SHB: variants seen among roughly 807,000 people sequenced by gnomAD.
SHB encodes the protein SH2 domain-containing adapter protein B.
In SHB, 20 loss-of-function variants were observed where a neutral mutation model predicts 52.3. The ratio of observed to expected loss-of-function variants is 0.38; its 90% CI spans 0.27 to 0.56. The LOEUF (loss-of-function observed/expected upper bound fraction) is 0.56. Ranked by LOEUF, SHB falls within the 20% of genes least tolerant of loss-of-function variation. The pLI is 0.71. For missense variants in SHB, 825 were observed against 723.3 expected, an observed-to-expected ratio of 1.14 and a Z score of -1.61; for synonymous variants, 397 against 316.5, an observed-to-expected ratio of 1.25 and a Z score of -2.70.
chr9:37,991,348 G>A (rs891215726), intron 2 of SHB, among the ~76,000 whole-genome samples: 2 of 152,294 alleles, frequency 1.3e-5, no homozygotes, highest in African/African-American at 2.4e-5. Context: ...CAGGGACACT[G>A]CGTCATGGAA....
intron 5 of SHB, among the ~76,000 whole-genome samples, chr9:37,921,951 G>C (rs954671088): frequency 6.6e-6 from 1 of 152,254 alleles, no homozygotes; most frequent in African/African-American, 2.4e-5. Flanking sequence ...CCTGGAGAAG[G>C]GGTGTGGAAG....
At chr9:37,955,797 G>A in intron 4 of SHB, 86 bp downstream of exon 4, 2 of 1,362,908 alleles carry the variant, frequency 1.5e-6, no homozygotes, top group South Asian at 2.6e-5. Context: ...CCAGTCTGTG[G>A]ATTTTTAAAA....
In SHB at chr9:37,928,507, TA is replaced by T. The variant is rs113975223; in HGVS notation, c.1347-8504del. On this transcript the variant is annotated intron_variant, in intron 5 of 5. Transcript: ENST00000377707. ...TTGGTACATAGGTGCTACTGGCATC[TA>T]AGTAAGAGGAGGCCAGGGACGCTGC... Among the ~76,000 whole-genome samples, 1,300 of 152,298 alleles carry T rather than the reference TA, an allele frequency of 8.5e-3. 18 individuals are homozygous for T. Among genetic ancestry groups the T allele is most frequent in the African/African-American group, 0.03 (1,232 of 41,548 alleles).
intron 5 of SHB, among the ~76,000 whole-genome samples, chr9:37,942,994 A>G (rs540121212): frequency 6.6e-5 from 10 of 152,272 alleles, no homozygotes; most frequent in African/African-American, 2.4e-4. Flanking sequence ...GTTCTAGAAT[A>G]CAGCCCTGAC....
chr9:37,956,106 T>G, intron 3 of SHB, 52 bp from the exon 4 acceptor site: 1 of 1,514,886 alleles, frequency 6.6e-7, no homozygotes, highest in Non-Finnish European at 9.0e-7. Flanking sequence ...CCCAGGGAGC[T>G]ACTGTGAGGC....
intron 4 of SHB, 117 bp from the exon 5 acceptor site, chr9:37,948,871 G>T: frequency 7.4e-7 from 1 of 1,352,782 alleles, no homozygotes; most frequent in Non-Finnish European, 1.0e-6. Flanking sequence ...GGCATGCACT[G>T]GTTCATTCCA....
chr9:37,977,682 T>C lies in SHB; in HGVS notation c.839-2845A>G, dbSNP rs549313247. ...AATCACTAAATCTACCAAACTAATCTGCAACTTATTGTCTTGTAGGGTCCT... is the reference window on the plus strand; with the variant it reads ...AATCACTAAATCTACCAAACTAATCCGCAACTTATTGTCTTGTAGGGTCCT... On this transcript the variant is annotated intron_variant, in intron 2 of 5. Transcript: ENST00000377707. 1.2e-4 allele frequency among the ~76,000 whole-genome samples: 18 copies of C among 152,328 alleles called. No homozygotes were observed. The South Asian group carries it at 1.7e-3, about 14-fold the overall frequency.
chr9:38,026,544 T>C lies in SHB; in HGVS notation c.718-10413A>G, dbSNP rs1372788772. ...CTCTCCCCAAGAGTCACTCTCTCTT[T>C]ATTGAGGATAGGCAGCATCAGCCAC... On this transcript the variant is annotated intron_variant, in intron 1 of 5. Transcript: ENST00000377707. Among the ~76,000 whole-genome samples, 4 of 152,246 alleles carry C rather than the reference T, an allele frequency of 2.6e-5. No individual in the cohort carries two copies. In the South Asian group the frequency reaches 8.3e-4, roughly 31 times the overall value.
chr9:37,924,941 A>AC (rs1357184809), intron 5 of SHB, among the ~76,000 whole-genome samples: 1 of 152,164 alleles, frequency 6.6e-6, no homozygotes, highest in Non-Finnish European at 1.5e-5. Flanking sequence ...CTGCTCAGCT[A>AC]CCCGTTGGCC....
intron 1 of SHB, among the ~76,000 whole-genome samples, chr9:38,029,477 T>C (rs767918114): frequency 3.3e-5 from 5 of 152,148 alleles, no homozygotes; most frequent in Non-Finnish European, 7.4e-5. Flanking sequence ...ATGGGGTTGC[T>C]ATGAGATTTT....
At chr9:37,920,249 C>T (rs549078879) in intron 5 of SHB, among the ~76,000 whole-genome samples, 59 of 152,032 alleles carry the variant, frequency 3.9e-4, no homozygotes, top group African/African-American at 1.4e-3. Flanking sequence ...CATTCCAACA[C>T]TGAGCGCTTC....
At chr9:38,028,864 G>C (rs1012408320) in intron 1 of SHB, among the ~76,000 whole-genome samples, 5 of 152,176 alleles carry the variant, frequency 3.3e-5, no homozygotes, top group Non-Finnish European at 5.9e-5. Flanking sequence ...GCACACAGAT[G>C]CATGCTCTCT....
chr9:37,974,878 T>G, intron 2 of SHB, 41 bp from the exon 3 acceptor site: 1 of 1,516,826 alleles, frequency 6.6e-7, no homozygotes, highest in Non-Finnish European at 9.2e-7. Context: ...AAATGGATAC[T>G]GCACTTCCTC....
intron 3 of SHB, 60 bp downstream of exon 3, chr9:37,974,562 C>G (rs1820629627): frequency 1.4e-6 from 2 of 1,460,824 alleles, no homozygotes; most frequent in Non-Finnish European, 1.9e-6. Flanking sequence ...AGGTGGGGAC[C>G]AAGGTGAGTG....
At chr9:38,039,367 T>G (rs1293871177) in intron 1 of SHB, among the ~76,000 whole-genome samples, 1 of 152,242 alleles carries the variant, frequency 6.6e-6, no homozygotes, top group African/African-American at 2.4e-5. Flanking sequence ...GGCAAGACTT[T>G]AAAGCGCAGT....
intron 5 of SHB, among the ~76,000 whole-genome samples, chr9:37,930,689 C>T (rs1832303048): frequency 6.6e-6 from 1 of 152,168 alleles, no homozygotes; most frequent in African/African-American, 2.4e-5. Flanking sequence ...AGATGAGAAA[C>T]TCAACAATCC....
At chr9:37,940,002 G>C (rs1832417297) in intron 5 of SHB, among the ~76,000 whole-genome samples, 1 of 152,210 alleles carries the variant, frequency 6.6e-6, no homozygotes, top group African/African-American at 2.4e-5. Context: ...AGAGGGCTCA[G>C]AGAATATGCA....
chr9:37,932,744 G>A (rs1206844563), intron 5 of SHB, among the ~76,000 whole-genome samples: 1 of 152,162 alleles, frequency 6.6e-6, no homozygotes, highest in African/African-American at 2.4e-5. Flanking sequence ...CACCCAAGGA[G>A]CTAGGACAAC....
In SHB at chr9:37,917,529, G is replaced by C. The variant is rs1832115899; in HGVS notation, c.*2292C>G. Among the ~76,000 whole-genome samples the C allele has an allele frequency of 6.6e-6, 1 of 152,190 alleles. No individual in the cohort carries two copies. Among genetic ancestry groups the C allele is most frequent in the Non-Finnish European group, 1.5e-5 (1 of 68,022 alleles). On this transcript the variant is annotated 3_prime_UTR_variant, in exon 6 of 6. Coordinates refer to ENST00000377707, the MANE Select transcript of SHB (RefSeq NM_003028.3). ...GAAGTGGCTGGACCTGAACTTGCCAGTGTGAGGTCTCACCCTCCTCCCCCG... is the reference window on the plus strand; with the variant it reads ...GAAGTGGCTGGACCTGAACTTGCCACTGTGAGGTCTCACCCTCCTCCCCCG...
Sources: gnomAD v4.1 joint callset for allele counts (sites outside exome capture counted in the v4.1 genomes callset) on GRCh38, gnomAD v4.1.1 for gene constraint, MANE v1.5 for transcripts, NCBI Gene and HGNC (gene_info 2026-07-23, HGNC 2026-07-21) for gene names.